LPCAT3: variants seen among roughly 807,000 people sequenced by gnomAD.
LPCAT3 encodes the protein lysophosphatidylcholine acyltransferase 3.
A neutral mutation model predicts 63.4 loss-of-function variants in LPCAT3; 21 were observed. The ratio of observed to expected loss-of-function variants is 0.33; its 90% CI spans 0.23 to 0.48. The LOEUF (loss-of-function observed/expected upper bound fraction) is 0.48, where lower values mean the gene tolerates loss of function less well. Among genes scored for constraint, LPCAT3 ranks in the 20% least tolerant of loss-of-function variants. The pLI, the probability that LPCAT3 is intolerant of heterozygous loss-of-function variation, is 0.99. For missense variants in LPCAT3, 451 were observed against 590.6 expected (o/e 0.76, Z 2.45); for synonymous variants, 242 against 227.5 (o/e 1.06, Z -0.58).
At chr12:7,000,587 CA>C (rs1238673937) in intron 1 of LPCAT3, among the ~76,000 whole-genome samples, 751 of 45,450 alleles carry the variant, frequency 0.017, 3 homozygotes, top group East Asian at 0.076. Context: ...GACTCAGTCT[CA>C]AAAAAAAAAA....
At chr12:6,998,676 G>A (rs1946658894) in intron 1 of LPCAT3, among the ~76,000 whole-genome samples, 1 of 152,194 alleles carries the variant, frequency 6.6e-6, no homozygotes, top group South Asian at 2.1e-4. Flanking sequence ...GGACATTTAG[G>A]TGGGGATATA....
At position 6,981,582 on chromosome 12, in the gene LPCAT3, A is replaced by G; in HGVS notation, c.498+13T>C. 6.2e-7 allele frequency: 1 copy of G among 1,613,822 alleles called. No individual in the cohort carries two copies. Among genetic ancestry groups the G allele is most frequent in the South Asian group, 1.1e-5 (1 of 91,082 alleles). On this transcript the variant is annotated intron_variant, in intron 5 of 12. Transcript: ENST00000261407. The stretch of plus-strand genomic sequence containing the variant: ...TAAGTCTTGAACCTCTCTGCCGATG[A>G]ATGGGTACTTACCTGATCTTTCCCT...
chr12:6,989,675 A>C (rs1405290880), intron 1 of LPCAT3, among the ~76,000 whole-genome samples: 1 of 152,140 alleles, frequency 6.6e-6, no homozygotes, highest in African/African-American at 2.4e-5. Context: ...AGTCAAGCAC[A>C]GGGAGTGGAT....
chr12:7,018,207 T>A lies in LPCAT3; in HGVS notation c.151+67A>T. ...TGGCTCCGGGAAGAGAGGGAGGTCC[T>A]GTCCCCATTCCTCCCCTACTCCCCG... On this transcript the variant is annotated intron_variant, in intron 1 of 12. Coordinates refer to ENST00000261407, the MANE Select transcript of LPCAT3 (RefSeq NM_005768.6). The surrounding 1 kb of genome is among the most constrained non-coding windows in gnomAD (Gnocchi z 4.9). 6.5e-7 allele frequency: 1 copy of A among 1,535,948 alleles called. No homozygotes were observed. Among genetic ancestry groups the A allele is most frequent in the Non-Finnish European group, 8.8e-7 (1 of 1,132,510 alleles).
intron 1 of LPCAT3, among the ~76,000 whole-genome samples, chr12:7,007,993 A>G (rs1204404616): frequency 6.6e-6 from 1 of 152,152 alleles, no homozygotes; most frequent in South Asian, 2.1e-4. Flanking sequence ...AACAGTTATT[A>G]TACACTTGGT....
intron 1 of LPCAT3, among the ~76,000 whole-genome samples, chr12:6,989,414 A>G (rs1197179884): frequency 6.8e-6 from 1 of 146,270 alleles, no homozygotes; most frequent in East Asian, 2.1e-4. Flanking sequence ...GGTTCACGCC[A>G]TTCTCCTGCC....
Position 6,987,819 on chromosome 12 carries a change from T to C in LPCAT3, c.152-4280A>G, listed in dbSNP as rs1269020448. On this transcript the variant is annotated intron_variant, in intron 1 of 12. Coordinates refer to ENST00000261407, the MANE Select transcript of LPCAT3 (RefSeq NM_005768.6). This position sits in a 1 kb window ranked among gnomAD's most constrained non-coding sequence, Gnocchi z 4.1. ...TATCTATTCCAGAGTAAAGTCATGA[T>C]GGCTTTATGACGTTCTGAGGTATGT... 1 of 400,692 alleles carries C rather than the reference T, an allele frequency of 2.5e-6. No individual in the cohort carries two copies. The highest frequency in any genetic ancestry group is 2.1e-5 in the African/African-American group (1 of 48,710). 24.8% of individuals were successfully genotyped at this position (400,692 alleles called of 1,614,324 possible).
intron 1 of LPCAT3, among the ~76,000 whole-genome samples, chr12:6,998,188 A>G (rs1339712604): frequency 1.3e-5 from 2 of 151,002 alleles, no homozygotes; most frequent in African/African-American, 2.4e-5. Context: ...GATAATTTTA[A>G]AATTTTTTGT....
Position 6,977,075 on chromosome 12 carries a change from C to T in LPCAT3, c.*12+59G>A. ...GATTTCTAATACTATTGTTTTTTTC[C>T]AGTCTGTTGCTCTATTCTGTAACCT... is the stretch of plus-strand genomic sequence containing the variant. On this transcript the variant is annotated intron_variant, in intron 12 of 12. Transcript: ENST00000261407. This position sits in a 1 kb window ranked among gnomAD's most constrained non-coding sequence, Gnocchi z 4.5. 1 of 1,052,716 alleles carries T rather than the reference C, an allele frequency of 9.5e-7. No homozygotes were observed. Among genetic ancestry groups the T allele is most frequent in the Non-Finnish European group, 1.5e-6 (1 of 682,704 alleles). The allele number at this position is 1,052,716 out of a possible 1,614,324, so 65.2% of individuals were successfully genotyped here.
intron 1 of LPCAT3, among the ~76,000 whole-genome samples, chr12:7,014,753 G>C (rs1946786474): frequency 6.6e-6 from 1 of 151,820 alleles, no homozygotes; most frequent in South Asian, 2.1e-4. Context: ...AAATTAGCCG[G>C]GTATGATGGC....
chr12:7,001,864 GAA>G (rs1376030437), intron 1 of LPCAT3, among the ~76,000 whole-genome samples: 3 of 152,114 alleles, frequency 2.0e-5, no homozygotes, highest in Non-Finnish European at 2.9e-5. Flanking sequence ...AAGGGGAGGA[GAA>G]AAAGAGTCCA....
At chr12:7,009,828 C>A (rs1348013395) in intron 1 of LPCAT3, among the ~76,000 whole-genome samples, 49 of 152,192 alleles carry the variant, frequency 3.2e-4, no homozygotes, top group Admixed American at 3.1e-3. Context: ...TAGAAAATTT[C>A]TTTGATGACT....
At chr12:6,979,604 T>C in intron 6 of LPCAT3, 25 bp from the exon 7 acceptor site, 1 of 1,508,450 alleles carries the variant, frequency 6.6e-7, no homozygotes, top group Non-Finnish European at 9.2e-7. Context: ...GTGAAGTTCC[T>C]GGTCACAGAG....
intron 1 of LPCAT3, among the ~76,000 whole-genome samples, chr12:6,983,752 TTTGA>T (rs1381453059): frequency 2.6e-5 from 4 of 152,164 alleles, no homozygotes; most frequent in Non-Finnish European, 5.9e-5. Flanking sequence ...GATATTAATA[TTTGA>T]TTGAGGCAAT....
intron 4 of LPCAT3, 73 bp downstream of exon 4, chr12:6,981,738 G>C (rs1271712900): frequency 3.7e-6 from 5 of 1,337,712 alleles, no homozygotes; most frequent in East Asian, 2.4e-5. Context: ...CGGAGGGGGG[G>C]TGCCGAGGAA....
chr12:6,982,262 C>G (rs1946478352), intron 3 of LPCAT3, among the ~76,000 whole-genome samples: 1 of 152,148 alleles, frequency 6.6e-6, no homozygotes, highest in Admixed American at 6.5e-5. Context: ...TAGTCTCAAA[C>G]TCCTGGGCTC....
At chr12:6,983,640 A>AT in intron 1 of LPCAT3, 101 bp from the exon 2 acceptor site, 3 of 717,286 alleles carry the variant, frequency 4.2e-6, no homozygotes, top group Non-Finnish European at 7.3e-6. Flanking sequence ...AGAGGGAGAG[A>AT]GAAAAAAAAA....
At chr12:6,996,806 A>G (rs1442434969) in intron 1 of LPCAT3, among the ~76,000 whole-genome samples, 1 of 152,230 alleles carries the variant, frequency 6.6e-6, no homozygotes, top group East Asian at 1.9e-4. Context: ...ATCAATCTCG[A>G]CCACAGTGGT....
In LPCAT3 at chr12:6,977,558, G is replaced by A. The variant is rs771879699; in HGVS notation, c.1189-33C>T. 5.0e-6 allele frequency: 8 copies of A among 1,614,092 alleles called. No individual in the cohort carries two copies. The highest frequency in any genetic ancestry group is 6.8e-6 in the Non-Finnish European group (8 of 1,179,998). On this transcript the variant is annotated intron_variant, in intron 10 of 12. Transcript: ENST00000261407. The surrounding 1 kb of genome is among the most constrained non-coding windows in gnomAD (Gnocchi z 4.5). The stretch of plus-strand genomic sequence containing the variant: ...GGGAGGAGGAGCTCATCAGCATCTT[G>A]TCCCTTATATTCCCCTTCACCCCCA...
Sources: allele counts gnomAD v4.1 joint callset (sites outside exome capture counted in the v4.1 genomes callset), GRCh38; gene constraint gnomAD v4.1.1; non-coding constraint Gnocchi (gnomAD v3.1); transcripts MANE v1.5; gene names NCBI Gene and HGNC (gene_info 2026-07-23, HGNC 2026-07-21).